The following EPHB1 variants were observed in gnomAD, a reference collection of about 807,000 sequenced individuals.
The protein encoded by EPHB1 is EPH receptor B1, also known as ephrin type-B receptor 1.
Under a neutral mutation model 94.4 loss-of-function variants are expected in EPHB1, and 30 were observed. That is an observed-to-expected ratio of 0.32 (90% CI 0.24 to 0.43). The LOEUF (loss-of-function observed/expected upper bound fraction) is 0.43. EPHB1 is among the 20% of genes least tolerant of loss of function. EPHB1 has a pLI of 1.00. For missense variants in EPHB1, 1,055 were observed against 1,308.3 expected, an observed-to-expected ratio of 0.81 and a Z score of 2.99; for synonymous variants, 522 against 489.1, an observed-to-expected ratio of 1.07 and a Z score of -0.89.
chr3:134,913,864 G>A (rs1471245653), intron 1 of EPHB1, among the ~76,000 whole-genome samples: 1 of 152,230 alleles, frequency 6.6e-6, no homozygotes, highest in Non-Finnish European at 1.5e-5. Context: ...GTATATTGGT[G>A]GTGGTCGGTG....
intron 12 of EPHB1, among the ~76,000 whole-genome samples, chr3:135,216,901 G>T (rs1282506399): frequency 6.6e-6 from 1 of 152,002 alleles, no homozygotes; most frequent in African/African-American, 2.4e-5. Flanking sequence ...GCATCACTTT[G>T]GTTGCAAAGC....
intron 1 of EPHB1, among the ~76,000 whole-genome samples, chr3:134,859,366 C>T (rs529460723): frequency 6.6e-6 from 1 of 152,342 alleles, no homozygotes; most frequent in African/African-American, 2.4e-5. Context: ...CTCACCCCCA[C>T]AGCCATCCTG....
intron 1 of EPHB1, among the ~76,000 whole-genome samples, chr3:134,803,514 G>C (rs899683576): frequency 5.9e-5 from 9 of 152,172 alleles, no homozygotes; most frequent in Non-Finnish European, 1.2e-4. Context: ...CTGGAGGTCG[G>C]TTTTTAGGGA....
intron 3 of EPHB1, among the ~76,000 whole-genome samples, chr3:135,092,936 A>G (rs185443052): frequency 3.3e-5 from 5 of 152,308 alleles, no homozygotes; most frequent in East Asian, 3.9e-4. Flanking sequence ...CTGGAGTCCA[A>G]CATCTTAAGA....
At chr3:135,258,060 C>T (rs916541191) in intron 15 of EPHB1, among the ~76,000 whole-genome samples, 9 of 152,176 alleles carry the variant, frequency 5.9e-5, no homozygotes, top group African/African-American at 2.2e-4. Flanking sequence ...CAATGCCTCA[C>T]CCTGCTTCGG....
intron 3 of EPHB1, among the ~76,000 whole-genome samples, chr3:135,030,662 T>G (rs1298714049): frequency 5.9e-5 from 9 of 152,346 alleles, no homozygotes; most frequent in Admixed American, 1.3e-4. Flanking sequence ...CCGCAGAGGT[T>G]ACTGCTGTCT....
chr3:134,925,276 A>G lies in EPHB1; in HGVS notation c.59-540A>G, dbSNP rs568041557. On this transcript the variant is annotated intron_variant, in intron 1 of 15. Coordinates refer to ENST00000398015, the MANE Select transcript of EPHB1 (RefSeq NM_004441.5). ...TGTGAGCCCTTTGGAGTTGATGGGAAGTTACCCAAGGGTGTCAATATAGAT... is the reference window on the plus strand; with the variant it reads ...TGTGAGCCCTTTGGAGTTGATGGGAGGTTACCCAAGGGTGTCAATATAGAT... 4.6e-5 allele frequency among the ~76,000 whole-genome samples: 7 copies of G among 152,334 alleles called. No individual in the cohort carries two copies. In the East Asian group the frequency reaches 1.3e-3, roughly 29 times the overall value.
intron 1 of EPHB1, among the ~76,000 whole-genome samples, chr3:134,862,398 T>C (rs993979607): frequency 2.0e-4 from 30 of 151,964 alleles, no homozygotes; most frequent in African/African-American, 7.0e-4. Flanking sequence ...TTTCATATGA[T>C]TTAACCACAG....
chr3:135,096,235 A>G (rs1385556585), intron 3 of EPHB1, among the ~76,000 whole-genome samples: 2 of 152,230 alleles, frequency 1.3e-5, no homozygotes, highest in Admixed American at 1.3e-4. Flanking sequence ...ATGGGAAGGA[A>G]GTCACCTTAG....
intron 4 of EPHB1, among the ~76,000 whole-genome samples, chr3:135,112,460 A>G (rs1199632929): frequency 1.3e-5 from 2 of 151,876 alleles, no homozygotes; most frequent in Non-Finnish European, 2.9e-5. Context: ...TGTTACATAT[A>G]CATGTGCCAT....
At chr3:135,142,536 A>C (rs2107690758) in intron 5 of EPHB1, among the ~76,000 whole-genome samples, 1 of 152,344 alleles carries the variant, frequency 6.6e-6, no homozygotes, top group East Asian at 1.9e-4. Context: ...GATATGAATA[A>C]AGGAGAAGGC....
chr3:134,907,273 C>T (rs2038352956), intron 1 of EPHB1, among the ~76,000 whole-genome samples: 1 of 152,204 alleles, frequency 6.6e-6, no homozygotes, highest in African/African-American at 2.4e-5. Context: ...TTGACTTCAA[C>T]TCCAGTGCTC....
intron 3 of EPHB1, among the ~76,000 whole-genome samples, chr3:135,049,040 G>A (rs1036403956): frequency 6.6e-6 from 1 of 152,108 alleles, no homozygotes; most frequent in Non-Finnish European, 1.5e-5. Flanking sequence ...CAGTCCACTG[G>A]CTTTTTTGGG....
At chr3:135,234,318 C>T (rs1360810494) in intron 12 of EPHB1, among the ~76,000 whole-genome samples, 1 of 152,314 alleles carries the variant, frequency 6.6e-6, no homozygotes, top group Non-Finnish European at 1.5e-5. Context: ...CTCTAGTTCC[C>T]AACAAGTTCT....
intron 4 of EPHB1, among the ~76,000 whole-genome samples, chr3:135,113,631 T>A (rs1939556830): frequency 6.6e-6 from 1 of 152,194 alleles, no homozygotes; most frequent in Non-Finnish European, 1.5e-5. Flanking sequence ...AACCCATCGC[T>A]GGGGGAGAGG....
intron 12 of EPHB1, among the ~76,000 whole-genome samples, chr3:135,216,263 T>C (rs934999250): frequency 1.3e-5 from 2 of 152,198 alleles, no homozygotes; most frequent in South Asian, 2.1e-4. Context: ...ACCCTCATTC[T>C]GATGCTGCTA....
intron 3 of EPHB1, among the ~76,000 whole-genome samples, chr3:135,097,598 G>A (rs62270182): frequency 1.3e-3 from 198 of 152,278 alleles, no homozygotes; most frequent in Middle Eastern, 3.4e-3. Flanking sequence ...GCTTGCTACT[G>A]CTACTGCTGT....
intron 13 of EPHB1, among the ~76,000 whole-genome samples, chr3:135,243,074 CAAAA>C (rs397933477): frequency 3.0e-5 from 3 of 98,374 alleles, no homozygotes; most frequent in African/African-American, 1.2e-4. Flanking sequence ...GACCCTGTCT[CAAAA>C]AAAAAAAAAA....
At chr3:135,048,742 A>G (rs759909621) in intron 3 of EPHB1, among the ~76,000 whole-genome samples, 25 of 152,200 alleles carry the variant, frequency 1.6e-4, no homozygotes, top group Non-Finnish European at 3.1e-4. Context: ...GTCTACCTCC[A>G]TACTAGGGCT....
Sources: gnomAD v4.1 joint callset for allele counts (sites outside exome capture counted in the v4.1 genomes callset) on GRCh38, gnomAD v4.1.1 for gene constraint, MANE v1.5 for transcripts, NCBI Gene and HGNC (gene_info 2026-07-23, HGNC 2026-07-21) for gene names.